ENDOD1: variants seen among roughly 807,000 people sequenced by gnomAD.
The protein encoded by ENDOD1 is endonuclease domain containing 1.
ENDOD1 carries 9 observed loss-of-function variants against 6.5 expected under a neutral mutation model. The observed-to-expected ratio is 1.39, with a 90% CI of 0.84 to 2.43. The LOEUF (loss-of-function observed/expected upper bound fraction) is 2.43. ENDOD1 is among the 30% of genes most tolerant of loss of function. ENDOD1 has a pLI of 0.00. For missense variants in ENDOD1, 648 were observed against 635.5 expected (o/e 1.02, Z -0.21); for synonymous variants, 255 against 255.2 (o/e 1.00, Z 0.01).
At chr11:95,112,069 G>C (rs1341862338) in intron 1 of ENDOD1, among the ~76,000 whole-genome samples, 1 of 152,140 alleles carries the variant, frequency 6.6e-6, no homozygotes, top group Admixed American at 6.5e-5. Context: ...TGTCGCTACT[G>C]GTCTCTAATC....
At chr11:95,118,225 A>C (rs1555112664) in intron 1 of ENDOD1, among the ~76,000 whole-genome samples, 1 of 152,200 alleles carries the variant, frequency 6.6e-6, no homozygotes, top group Non-Finnish European at 1.5e-5. Context: ...CAATATAATA[A>C]TATTCTGTGC....
At chr11:95,111,944 T>A (rs1859154999) in intron 1 of ENDOD1, among the ~76,000 whole-genome samples, 1 of 152,032 alleles carries the variant, frequency 6.6e-6, no homozygotes. Flanking sequence ...AAGGCCGAGG[T>A]CCTCTTTCTC....
At chr11:95,106,904 T>G (rs1555111457) in intron 1 of ENDOD1, among the ~76,000 whole-genome samples, 1 of 152,066 alleles carries the variant, frequency 6.6e-6, no homozygotes, top group African/African-American at 2.4e-5. Context: ...CTGAATAGAA[T>G]GTATCTCTGT....
intron 1 of ENDOD1, among the ~76,000 whole-genome samples, chr11:95,095,664 A>G (rs1555110238): frequency 6.6e-6 from 1 of 152,214 alleles, no homozygotes; most frequent in Non-Finnish European, 1.5e-5. Context: ...ATCCCTTACC[A>G]TGTCAAAGGT....
At chr11:95,097,186 TA>T (rs1858995133) in intron 1 of ENDOD1, among the ~76,000 whole-genome samples, 1 of 147,204 alleles carries the variant, frequency 6.8e-6, no homozygotes, top group Non-Finnish European at 1.5e-5. Flanking sequence ...TAGACAGTGA[TA>T]AGTGTTAAGG....
At chr11:95,126,659 C>G (rs1230927332) in intron 1 of ENDOD1, among the ~76,000 whole-genome samples, 1 of 152,110 alleles carries the variant, frequency 6.6e-6, no homozygotes, top group African/African-American at 2.4e-5. Context: ...ATTACGAACC[C>G]CTTTATAATT....
In ENDOD1 at chr11:95,128,379, C is replaced by T. The variant is rs899281622; in HGVS notation, c.303C>T (p.Ile101=). ...AEQRWLVEPQ[I]DDPNSNLEEA... is the part of the protein sequence containing the mutation. ...CACCACTTGTTTTCTTCTTGCAGAT[C>T]GATGACCCCAACAGCAACCTTGAGG... is the stretch of plus-strand genomic sequence containing the variant. Residue 101 remains isoleucine (I), a splice_region_variant and synonymous_variant, in exon 2 of 2, where the codon ATC becomes ATT. Transcript: ENST00000278505. 3.7e-6 allele frequency: 6 copies of T among 1,610,070 alleles called. No individual in the cohort carries two copies. Among genetic ancestry groups the T allele is most frequent in the Non-Finnish European group, 4.2e-6 (5 of 1,177,866 alleles).
At chr11:95,094,371 A>G (rs919104061) in intron 1 of ENDOD1, among the ~76,000 whole-genome samples, 1 of 152,130 alleles carries the variant, frequency 6.6e-6, no homozygotes, top group East Asian at 1.9e-4. Context: ...CAATGGATCC[A>G]CTGCGCTAAT....
At position 95,129,348 on chromosome 11, in the gene ENDOD1, C is replaced by A. The variant is rs1859346799; in HGVS notation, c.1272C>A (p.Cys424Ter). ...RILCCLLKAICRVLSIPVRVL... is the reference protein window; with the variant it reads ...RILCCLLKAI ...TTTGTTGTCTGCTGAAGGCCATTTG[C>A]CGAGTTCTGAGCATCCCTGTCCGTG... The change falls in exon 2 of 2, where the codon TGC becomes TGA. Residue 424 changes from cysteine (C) to a stop codon, truncating the protein, a stop_gained. Coordinates refer to ENST00000278505, the MANE Select transcript of ENDOD1 (RefSeq NM_015036.3). LOFTEE classifies it high-confidence loss of function. The A allele has an allele frequency of 6.2e-7, 1 of 1,614,036 alleles. No homozygotes were observed. Among genetic ancestry groups the A allele is most frequent in the African/African-American group, 1.3e-5 (1 of 74,924 alleles).
intron 1 of ENDOD1, among the ~76,000 whole-genome samples, chr11:95,119,615 G>T (rs530583052): frequency 6.6e-6 from 1 of 152,332 alleles, no homozygotes; most frequent in African/African-American, 2.4e-5. Flanking sequence ...GGTCAGACCT[G>T]AAGCCAGCAC....
intron 1 of ENDOD1, among the ~76,000 whole-genome samples, chr11:95,092,853 G>A (rs1178098373): frequency 4.6e-5 from 7 of 152,210 alleles, no homozygotes; most frequent in African/African-American, 1.7e-4. Flanking sequence ...ACCCTTGGCG[G>A]CTTCCAAGCA....
intron 1 of ENDOD1, among the ~76,000 whole-genome samples, chr11:95,093,005 G>A (rs782215874): frequency 6.6e-6 from 1 of 152,226 alleles, no homozygotes. Context: ...AGGCAGGGCA[G>A]CAGTGACACT....
chr11:95,129,613 AT>A lies in ENDOD1; in HGVS notation c.*37del. 5.7e-6 allele frequency: 9 copies of A among 1,572,564 alleles called. No individual in the cohort carries two copies. The highest frequency in any genetic ancestry group is 7.8e-6 in the Non-Finnish European group (9 of 1,157,948). On this transcript the variant is annotated 3_prime_UTR_variant, in exon 2 of 2. Coordinates refer to ENST00000278505, the MANE Select transcript of ENDOD1 (RefSeq NM_015036.3). The stretch of plus-strand genomic sequence containing the variant: ...AACTAATAGTATCCAGTCACAGTGA[AT>A]TTGAAAGCTGGAATAGTTTGTCTTT...
intron 1 of ENDOD1, among the ~76,000 whole-genome samples, chr11:95,100,247 G>A (rs1859025168): frequency 6.6e-6 from 1 of 152,118 alleles, no homozygotes. Flanking sequence ...GTCTCTGCAA[G>A]ACAGCTTCCT....
rs1555109736 is a variant in ENDOD1, at chr11:95,090,277, G to A, written c.300+50G>A. 4 of 1,356,094 alleles carry A rather than the reference G, an allele frequency of 2.9e-6. No homozygotes were observed. The African/African-American group carries it at 6.1e-5, about 21-fold the overall frequency. The allele number at this position is 1,356,094 out of a possible 1,614,324, so 84.0% of individuals were successfully genotyped here. A position where few individuals can be genotyped will look rare whatever the true frequency, so the allele number is the denominator to read the frequency against. On this transcript the variant is annotated intron_variant, in intron 1 of 1. Transcript: ENST00000278505. The stretch of plus-strand genomic sequence containing the variant: ...GGCTGCGGGCGCCGGAGACCGTGCC[G>A]CTGGACATGCCCCCAGTTGCAGCTA...
chr11:95,101,933 A>G (rs1196543639), intron 1 of ENDOD1, among the ~76,000 whole-genome samples: 5 of 151,010 alleles, frequency 3.3e-5, no homozygotes, highest in African/African-American at 1.2e-4. Context: ...ATTTTTCTTT[A>G]ATTTTTTTTC....
chr11:95,103,851 A>G (rs1462758215), intron 1 of ENDOD1, among the ~76,000 whole-genome samples: 2 of 152,252 alleles, frequency 1.3e-5, no homozygotes, highest in African/African-American at 4.8e-5. Flanking sequence ...CGGCGCATAT[A>G]TGTTAAGCAT....
chr11:95,128,151 C>T (rs1859329731), intron 1 of ENDOD1, among the ~76,000 whole-genome samples: 1 of 152,206 alleles, frequency 6.6e-6, no homozygotes, highest in Non-Finnish European at 1.5e-5. Context: ...GGGATAAACA[C>T]AGGTAATAGA....
chr11:95,116,689 T>A (rs1425588600), intron 1 of ENDOD1, among the ~76,000 whole-genome samples: 1 of 152,192 alleles, frequency 6.6e-6, no homozygotes, highest in Non-Finnish European at 1.5e-5. Flanking sequence ...TTGGAATATG[T>A]TTCCATTATT....
Sources: allele counts gnomAD v4.1 joint callset (sites outside exome capture counted in the v4.1 genomes callset), GRCh38; gene constraint gnomAD v4.1.1; transcripts MANE v1.5; gene names NCBI Gene and HGNC (gene_info 2026-07-23, HGNC 2026-07-21).